NOS1AP: variants seen among roughly 807,000 people sequenced by gnomAD.
NOS1AP encodes nitric oxide synthase 1 adaptor protein, also known as carboxyl-terminal PDZ ligand of neuronal nitric oxide synthase protein.
Under a neutral mutation model 56.2 loss-of-function variants are expected in NOS1AP, and 21 were observed. The observed-to-expected ratio is 0.37, with a 90% confidence interval of 0.26 to 0.54. NOS1AP has a LOEUF of 0.54. Among genes scored for constraint, NOS1AP ranks in the 20% least tolerant of loss-of-function variants. The pLI, the probability that NOS1AP is intolerant of heterozygous loss-of-function variation, is 0.84. For missense variants in NOS1AP, 522 were observed against 657.8 expected (o/e 0.79, Z 2.26); for synonymous variants, 270 against 274.6 (o/e 0.98, Z 0.17).
chr1:162,112,305 C>T (rs923813053), intron 1 of NOS1AP, among the ~76,000 whole-genome samples: 10 of 152,160 alleles, frequency 6.6e-5, no homozygotes, highest in Admixed American at 3.3e-4. Context: ...TGGAAGCCAA[C>T]AAAAGAAGGC....
chr1:162,310,740 C>T (rs1258429834), intron 4 of NOS1AP, among the ~76,000 whole-genome samples: 2 of 152,186 alleles, frequency 1.3e-5, no homozygotes, highest in African/African-American at 4.8e-5. Context: ...TGATAATACC[C>T]ATCATAATGC....
intron 1 of NOS1AP, among the ~76,000 whole-genome samples, chr1:162,132,144 G>A (rs1412498457): frequency 6.6e-6 from 1 of 152,208 alleles, no homozygotes; most frequent in African/African-American, 2.4e-5. Flanking sequence ...AGGATTATGG[G>A]AAGTTTCAAA....
rs150161613 is a variant in NOS1AP, at chr1:162,114,891, T to C, written c.106-39514T>C. ...TGTAGGGGTGGGATGGTATCTCCTG[T>C]TGCATTTGTCTGTCCCTTGATGGTC... On this transcript the variant is annotated intron_variant, in intron 1 of 9. Transcript: ENST00000361897. Among the ~76,000 whole-genome samples the C allele has an allele frequency of 2.0e-3, 309 of 152,338 alleles. 3 individuals are homozygous for C. Among genetic ancestry groups the C allele is most frequent in the African/African-American group, 7.0e-3 (293 of 41,582 alleles).
At chr1:162,205,556 A>G (rs1410345171) in intron 2 of NOS1AP, among the ~76,000 whole-genome samples, 1 of 152,184 alleles carries the variant, frequency 6.6e-6, no homozygotes, top group African/African-American at 2.4e-5. Context: ...CTTTCTAAAT[A>G]CCACTCTAAT....
chr1:162,364,416 T>C, intron 8 of NOS1AP: 1 of 985,486 alleles, frequency 1.0e-6, no homozygotes, highest in South Asian at 4.7e-5. Context: ...CACATATGTG[T>C]GAACACTGGT....
chr1:162,080,864 A>G (rs1232029044), intron 1 of NOS1AP, among the ~76,000 whole-genome samples: 1 of 152,196 alleles, frequency 6.6e-6, no homozygotes, highest in Non-Finnish European at 1.5e-5. Flanking sequence ...CTTTCTATGA[A>G]ACGATTAATT....
At chr1:162,094,992 C>T (rs1371127999) in intron 1 of NOS1AP, among the ~76,000 whole-genome samples, 1 of 152,198 alleles carries the variant, frequency 6.6e-6, no homozygotes, top group Non-Finnish European at 1.5e-5. Context: ...TCACACTCCA[C>T]TATGGGTTCT....
chr1:162,182,083 A>G (rs1474803994), intron 2 of NOS1AP, among the ~76,000 whole-genome samples: 1 of 152,228 alleles, frequency 6.6e-6, no homozygotes, highest in African/African-American at 2.4e-5. Context: ...TTCTTCATGT[A>G]CTAGAGGAGG....
intron 2 of NOS1AP, among the ~76,000 whole-genome samples, chr1:162,168,604 A>G (rs1650616354): frequency 6.6e-6 from 1 of 151,602 alleles, no homozygotes; most frequent in Non-Finnish European, 1.5e-5. Context: ...CAATTGATGC[A>G]CAAGCTGTCA....
intron 2 of NOS1AP, among the ~76,000 whole-genome samples, chr1:162,249,396 T>G (rs115224120): frequency 2.0e-5 from 3 of 152,150 alleles, no homozygotes; most frequent in African/African-American, 7.2e-5. Flanking sequence ...TATTTTAGTA[T>G]GGTCACGAAG....
chr1:162,352,880 G>C (rs190309790), intron 6 of NOS1AP, among the ~76,000 whole-genome samples: 180 of 152,250 alleles, frequency 1.2e-3, no homozygotes, highest in Non-Finnish European at 2.0e-3. Flanking sequence ...ATCCCTACTT[G>C]ACTGTTACAC....
intron 3 of NOS1AP, among the ~76,000 whole-genome samples, chr1:162,289,234 TTCCTTCCTTCCTTCC>T (rs1655196551): frequency 3.5e-5 from 2 of 56,852 alleles, no homozygotes; most frequent in East Asian, 4.0e-4. Context: ...CCTTCCTTCC[TTCCTTCCTTCCTTCC>T]TTCCTTCCTT....
chr1:162,256,153 AG>A (rs1654021835), intron 2 of NOS1AP, among the ~76,000 whole-genome samples: 1 of 152,026 alleles, frequency 6.6e-6, no homozygotes, highest in Non-Finnish European at 1.5e-5. Flanking sequence ...CAAGAAGAAA[AG>A]AAAAAAAAAA....
intron 2 of NOS1AP, among the ~76,000 whole-genome samples, chr1:162,233,983 A>G (rs1653207104): frequency 6.6e-6 from 1 of 152,216 alleles, no homozygotes; most frequent in Admixed American, 6.5e-5. Context: ...TTTGAGAAAC[A>G]CATCTTGTCT....
At chr1:162,099,513 A>G (rs527471365) in intron 1 of NOS1AP, among the ~76,000 whole-genome samples, 1 of 152,300 alleles carries the variant, frequency 6.6e-6, no homozygotes, top group East Asian at 1.9e-4. Context: ...AATAATGGCC[A>G]TTCTGACTGG....
chr1:162,329,361 AAGAGAGAG>A (rs112676244), intron 4 of NOS1AP, among the ~76,000 whole-genome samples: 23 of 148,810 alleles, frequency 1.5e-4, no homozygotes, highest in African/African-American at 4.9e-4. Context: ...CCAAGAAAAA[AAGAGAGAG>A]AGAGAGAGAG....
chr1:162,198,458 G>C (rs1164860580), intron 2 of NOS1AP, among the ~76,000 whole-genome samples: 1 of 152,104 alleles, frequency 6.6e-6, no homozygotes, highest in Non-Finnish European at 1.5e-5. Context: ...ATCCCATTCT[G>C]ACATTTCCAG....
intron 2 of NOS1AP, among the ~76,000 whole-genome samples, chr1:162,269,399 A>T (rs1654517359): frequency 6.6e-6 from 1 of 152,180 alleles, no homozygotes; most frequent in African/African-American, 2.4e-5. Context: ...TACTTTTTTG[A>T]AAAGTAACTT....
chr1:162,230,374 A>G (rs545447773), intron 2 of NOS1AP, among the ~76,000 whole-genome samples: 16 of 152,334 alleles, frequency 1.1e-4, no homozygotes, highest in Non-Finnish European at 1.8e-4. Context: ...ACAGGACCCA[A>G]TGTTGTGCCA....
Sources: gnomAD v4.1 joint callset for allele counts (sites outside exome capture counted in the v4.1 genomes callset) on GRCh38, gnomAD v4.1.1 for gene constraint, MANE v1.5 for transcripts, NCBI Gene and HGNC (gene_info 2026-07-23, HGNC 2026-07-21) for gene names.